The following SLC8A1 variants were observed in gnomAD, a reference collection of about 807,000 sequenced individuals.
The protein encoded by SLC8A1 is solute carrier family 8 member A1, also known as sodium/calcium exchanger 1.
SLC8A1 carries 18 observed loss-of-function variants against 68.3 expected under a neutral mutation model. The ratio of observed to expected loss-of-function variants is 0.26; its 90% CI spans 0.18 to 0.39. The LOEUF (loss-of-function observed/expected upper bound fraction) is 0.39. SLC8A1 is among the 10% of genes least tolerant of loss of function. SLC8A1 has a pLI of 1.00. For synonymous variants in SLC8A1, 475 were observed against 415.5 expected (o/e 1.14, Z -1.74); for missense variants, 985 against 1,156.7 (o/e 0.85, Z 2.15).
At chr2:40,236,040 G>T (rs920011340) in intron 2 of SLC8A1, among the ~76,000 whole-genome samples, 140 of 152,018 alleles carry the variant, frequency 9.2e-4, no homozygotes, top group Middle Eastern at 6.8e-3. Flanking sequence ...AATTTTGGAA[G>T]AGGTGTGGTG....
At chr2:40,176,264 C>T (rs1023727819) in intron 3 of SLC8A1, among the ~76,000 whole-genome samples, 9 of 152,140 alleles carry the variant, frequency 5.9e-5, no homozygotes, top group African/African-American at 2.2e-4. Context: ...CAAGAATCCA[C>T]TTGGCGGGTG....
chr2:40,360,519 G>A (rs190624096), intron 2 of SLC8A1, among the ~76,000 whole-genome samples: 3 of 152,216 alleles, frequency 2.0e-5, no homozygotes, highest in East Asian at 3.9e-4. Context: ...AGAATGTACT[G>A]TGTGCCAGCC....
At chr2:40,456,295 G>C (rs1195715146), upstream of SLC8A1, among the ~76,000 whole-genome samples, 1 of 119,578 alleles carries the variant, frequency 8.4e-6, no homozygotes, top group Non-Finnish European at 1.8e-5. Context: ...CAGCCTGGGT[G>C]GACAGAGCGA....
At chr2:40,142,945 AGTGT>A (rs113217495) in intron 6 of SLC8A1, among the ~76,000 whole-genome samples, 13 of 149,058 alleles carry the variant, frequency 8.7e-5, no homozygotes, top group Middle Eastern at 3.5e-3. Flanking sequence ...TGTGTGTGTG[AGTGT>A]GTGTGTGTGT....
At chr2:40,215,048 G>C (rs1205816008) in intron 2 of SLC8A1, among the ~76,000 whole-genome samples, 2 of 152,056 alleles carry the variant, frequency 1.3e-5, no homozygotes, top group Non-Finnish European at 2.9e-5. Flanking sequence ...ATATTTGCTA[G>C]TTCTTTTTGT....
intron 2 of SLC8A1, among the ~76,000 whole-genome samples, chr2:40,333,597 G>A (rs1175211914): frequency 6.6e-6 from 1 of 151,904 alleles, no homozygotes; most frequent in African/African-American, 2.4e-5. Flanking sequence ...ATTCTACTTT[G>A]TGGTAGAAAA....
At position 40,323,909 on chromosome 2, in the gene SLC8A1, A is replaced by T. The variant is rs537765195; in HGVS notation, c.1808+104564T>A. ...TGTTTCAGGAGTTTAATTGTAAAAA[A>T]ATTATAAGAATTTTTTAAAGTCTGT... On this transcript the variant is annotated intron_variant, in intron 2 of 7. Transcript: ENST00000406785. Among the ~76,000 whole-genome samples the T allele has an allele frequency of 2.6e-5, 4 of 152,252 alleles. No individual in the cohort carries two copies. The East Asian group carries it at 7.7e-4, about 29-fold the overall frequency.
intron 1 of SLC8A1, among the ~76,000 whole-genome samples, chr2:40,508,334 T>C (rs1202790050): frequency 2.7e-5 from 4 of 149,934 alleles, no homozygotes; most frequent in African/African-American, 9.9e-5. Flanking sequence ...TTCTCGACAC[T>C]TCCTAGAAAG....
intron 1 of SLC8A1, among the ~76,000 whole-genome samples, chr2:40,435,085 T>G (rs1325388998): frequency 6.6e-6 from 1 of 152,114 alleles, no homozygotes; most frequent in African/African-American, 2.4e-5. Context: ...CCCAATATAT[T>G]GGACAGTCAT....
chr2:40,225,473 CTTCTT>C (rs146429079), intron 2 of SLC8A1, among the ~76,000 whole-genome samples: 15,562 of 152,022 alleles, frequency 0.1, 892 homozygotes, highest in Non-Finnish European at 0.13. Context: ...GTCCTATTCT[CTTCTT>C]TTTTTCTTTA....
intron 2 of SLC8A1, among the ~76,000 whole-genome samples, chr2:40,409,460 AC>A (rs967123420): frequency 6.6e-6 from 1 of 152,038 alleles, no homozygotes; most frequent in Non-Finnish European, 1.5e-5. Flanking sequence ...ATAAATTTGA[AC>A]CCCCAAAGAT....
At chr2:40,429,368 C>G (rs746896227) in exon 2 of SLC8A1, 1 of 1,613,858 alleles carries the variant, frequency 6.2e-7, no homozygotes, top group Non-Finnish European at 8.5e-7. Context: ...AGAGCACCAT[C>G]TAAGAAATTT....
intron 2 of SLC8A1, among the ~76,000 whole-genome samples, chr2:40,312,424 G>C (rs1407536578): frequency 1.3e-5 from 2 of 152,078 alleles, no homozygotes; most frequent in Non-Finnish European, 2.9e-5. Context: ...AGTGGTCCAG[G>C]AAACTTCATC....
At chr2:40,374,129 A>G (rs1328145635) in intron 2 of SLC8A1, among the ~76,000 whole-genome samples, 2 of 152,154 alleles carry the variant, frequency 1.3e-5, no homozygotes, top group Admixed American at 1.3e-4. Flanking sequence ...GTTAAGTTAC[A>G]GAAAGAGCTC....
In SLC8A1 at chr2:40,361,887, C is replaced by CTTTTTTTTTTTTTTTTTTT. The variant is rs1172909749; in HGVS notation, c.1808+66567_1808+66585dup. On this transcript the variant is annotated intron_variant, in intron 2 of 7. Coordinates refer to ENST00000406785, the Ensembl canonical transcript of SLC8A1. ...GTCAGATGTTTATATCTTTTCTTTC[C>CTTTTTTTTTTTTTTTTTTT]TTTTTTTTTTTTTTTTTTTTTTTTT... 1.5e-4 allele frequency among the ~76,000 whole-genome samples: 8 copies of CTTTTTTTTTTTTTTTTTTT among 53,104 alleles called. 1 individual carries two copies. Among genetic ancestry groups the CTTTTTTTTTTTTTTTTTTT allele is most frequent in the Non-Finnish European group, 2.0e-4 (6 of 30,434 alleles). 34.8% of individuals were successfully genotyped at this position (53,104 alleles called of 152,430 possible).
intron 2 of SLC8A1, among the ~76,000 whole-genome samples, chr2:40,399,206 C>T (rs532757900): frequency 6.6e-6 from 1 of 152,286 alleles, no homozygotes; most frequent in African/African-American, 2.4e-5. Context: ...TTAGATTAAG[C>T]TTCCCAGCAA....
At chr2:40,302,961 T>C (rs999247349) in intron 2 of SLC8A1, among the ~76,000 whole-genome samples, 2 of 152,120 alleles carry the variant, frequency 1.3e-5, no homozygotes, top group Non-Finnish European at 2.9e-5. Flanking sequence ...ATCTTGTAAG[T>C]CTGTCAAGCA....
chr2:40,341,534 C>T lies in SLC8A1; in HGVS notation c.1808+86939G>A, dbSNP rs552821546. ...TGATTTTGCAAGGTCTTTCCTTGGC[C>T]TATCTTCTATGCATTAAGGATCTTT... is the stretch of plus-strand genomic sequence containing the variant. On this transcript the variant is annotated intron_variant, in intron 2 of 7. Transcript: ENST00000406785. Among the ~76,000 whole-genome samples, 44 of 152,218 alleles carry T rather than the reference C, an allele frequency of 2.9e-4. 1 individual carries two copies. The South Asian group carries it at 8.9e-3, about 31-fold the overall frequency.
rs529989604 is a variant in SLC8A1, at chr2:40,358,519, T to C, written c.1808+69954A>G. 3.3e-5 allele frequency among the ~76,000 whole-genome samples: 5 copies of C among 152,318 alleles called. No individual in the cohort carries two copies. The South Asian group carries it at 1.0e-3, about 32-fold the overall frequency. Reference sequence around the variant, plus strand: ...GAATAAGGGATTTGGAGTAAGAACATCTTAATTTTAAAACCTAATCCAGTC... The same window carrying C: ...GAATAAGGGATTTGGAGTAAGAACACCTTAATTTTAAAACCTAATCCAGTC... On this transcript the variant is annotated intron_variant, in intron 2 of 7. Transcript: ENST00000406785.
Sources: allele counts gnomAD v4.1 joint callset (sites outside exome capture counted in the v4.1 genomes callset), GRCh38; gene constraint gnomAD v4.1.1; transcripts MANE v1.5; gene names NCBI Gene and HGNC (gene_info 2026-07-23, HGNC 2026-07-21).